CLDN10: variants seen among roughly 807,000 people sequenced by gnomAD.
CLDN10 encodes the protein claudin-10.
A neutral mutation model predicts 22.9 loss-of-function variants in CLDN10; 15 were observed. The observed-to-expected ratio is 0.65, with a 90% confidence interval of 0.44 to 1.01. The LOEUF (loss-of-function observed/expected upper bound fraction) is 1.01, where lower values mean the gene tolerates loss of function less well. CLDN10 is among the 50% of genes least tolerant of loss of function. The probability of loss-of-function intolerance (pLI) is 0.00; values close to 1 mark genes in which losing one functional copy is unlikely to be tolerated. For missense variants in CLDN10, 247 were observed against 287.8 expected, an observed-to-expected ratio of 0.86 and a Z score of 1.03; for synonymous variants, 114 against 111.4, an observed-to-expected ratio of 1.02 and a Z score of -0.15.
At chr13:95,566,128 T>G (rs1371521238) in intron 3 of CLDN10, among the ~76,000 whole-genome samples, 1 of 152,260 alleles carries the variant, frequency 6.6e-6, no homozygotes, top group Non-Finnish European at 1.5e-5. Context: ...TATAATCCTT[T>G]GGGTATATAC....
intron 1 of CLDN10, among the ~76,000 whole-genome samples, chr13:95,459,153 C>T (rs1172567923): frequency 4.6e-5 from 7 of 152,206 alleles, no homozygotes; most frequent in African/African-American, 1.4e-4. Context: ...TGTGGCATTG[C>T]AGGGTACAAC....
intron 1 of CLDN10, among the ~76,000 whole-genome samples, chr13:95,452,469 T>C (rs2042440691): frequency 6.6e-6 from 1 of 152,218 alleles, no homozygotes; most frequent in Non-Finnish European, 1.5e-5. Flanking sequence ...ATTAATGAAT[T>C]TGAGATATGG....
At chr13:95,508,592 G>A (rs183980111) in intron 1 of CLDN10, among the ~76,000 whole-genome samples, 7 of 152,354 alleles carry the variant, frequency 4.6e-5, no homozygotes, top group East Asian at 1.9e-4. Context: ...TAAGGAAGGC[G>A]GACAACCGCC....
intron 1 of CLDN10, among the ~76,000 whole-genome samples, chr13:95,483,785 G>C (rs7995959): frequency 0.53 from 81,117 of 152,024 alleles, 22,199 homozygotes; most frequent in African/African-American, 0.65. Context: ...CTCGATATGA[G>C]CTTCCCCAGG....
At chr13:95,441,312 G>C (rs1264888429) in intron 1 of CLDN10, among the ~76,000 whole-genome samples, 4 of 152,152 alleles carry the variant, frequency 2.6e-5, no homozygotes. Context: ...CTGGGGTGCA[G>C]TGGCGTGATC....
At chr13:95,532,193 G>A (rs2043350491) in intron 1 of CLDN10, among the ~76,000 whole-genome samples, 1 of 152,088 alleles carries the variant, frequency 6.6e-6, no homozygotes. Flanking sequence ...TAAAACTTCT[G>A]CTCATCAAAA....
intron 1 of CLDN10, among the ~76,000 whole-genome samples, chr13:95,514,813 C>T (rs951177748): frequency 6.6e-6 from 1 of 152,128 alleles, no homozygotes; most frequent in Non-Finnish European, 1.5e-5. Context: ...AGTTAAGAGG[C>T]TCACTCTGGT....
chr13:95,522,829 C>T (rs34743079), intron 1 of CLDN10, among the ~76,000 whole-genome samples: 15,154 of 151,892 alleles, frequency 0.1, 933 homozygotes, highest in Middle Eastern at 0.13. Flanking sequence ...TGTGATGATG[C>T]TTTTTGCCCT....
At chr13:95,447,177 GA>G (rs1566648041) in intron 1 of CLDN10, among the ~76,000 whole-genome samples, 1 of 152,170 alleles carries the variant, frequency 6.6e-6, no homozygotes, top group Non-Finnish European at 1.5e-5. Context: ...GTGGGCAGGG[GA>G]AAATGGAAGA....
At chr13:95,546,247 T>C (rs2043508261) in intron 1 of CLDN10, among the ~76,000 whole-genome samples, 1 of 152,186 alleles carries the variant, frequency 6.6e-6, no homozygotes. Context: ...ACACAAAGAG[T>C]TGTCTTGGTG....
At chr13:95,443,171 T>A (rs1325125906) in intron 1 of CLDN10, among the ~76,000 whole-genome samples, 1 of 152,208 alleles carries the variant, frequency 6.6e-6, no homozygotes, top group East Asian at 1.9e-4. Context: ...CAGCATTTGG[T>A]GCTAGCTCCC....
At chr13:95,540,287 G>A (rs1031242991) in intron 1 of CLDN10, among the ~76,000 whole-genome samples, 1 of 145,200 alleles carries the variant, frequency 6.9e-6, no homozygotes, top group Non-Finnish European at 1.5e-5. Flanking sequence ...GCAACAGAGG[G>A]AGACTCTGTC....
chr13:95,478,889 T>A (rs1158527102), intron 1 of CLDN10, among the ~76,000 whole-genome samples: 2 of 152,164 alleles, frequency 1.3e-5, no homozygotes, highest in Non-Finnish European at 2.9e-5. Flanking sequence ...CTCAGGGAGT[T>A]ATAGGTCACT....
intron 1 of CLDN10, among the ~76,000 whole-genome samples, chr13:95,474,792 T>C (rs1300634862): frequency 3.3e-5 from 5 of 151,530 alleles, no homozygotes; most frequent in African/African-American, 1.2e-4. Flanking sequence ...TGGTAAGATC[T>C]GCCTTTTGGG....
upstream of CLDN10, among the ~76,000 whole-genome samples, chr13:95,548,091 C>T (rs2043528546): frequency 6.6e-6 from 1 of 152,210 alleles, no homozygotes; most frequent in African/African-American, 2.4e-5. Context: ...CATAAAATCA[C>T]TTGCCCAAAA....
intron 1 of CLDN10, among the ~76,000 whole-genome samples, chr13:95,490,520 T>G (rs1011522097): frequency 2.0e-5 from 3 of 152,356 alleles, no homozygotes; most frequent in African/African-American, 7.2e-5. Flanking sequence ...ATTTTGTTTT[T>G]GACCCAGTGC....
intron 1 of CLDN10, among the ~76,000 whole-genome samples, chr13:95,468,444 A>G (rs2042599917): frequency 6.6e-6 from 1 of 152,176 alleles, no homozygotes; most frequent in Admixed American, 6.5e-5. Context: ...GCATTAGGCC[A>G]GGCCAGATAT....
intron 1 of CLDN10, among the ~76,000 whole-genome samples, chr13:95,537,706 T>C (rs1419136835): frequency 6.6e-6 from 1 of 152,222 alleles, no homozygotes; most frequent in East Asian, 1.9e-4. Flanking sequence ...GTGCTTATTC[T>C]TGCTTCTGTA....
intron 1 of CLDN10, among the ~76,000 whole-genome samples, chr13:95,461,909 T>A (rs560977550): frequency 6.6e-6 from 1 of 151,666 alleles, no homozygotes; most frequent in Non-Finnish European, 1.5e-5. Flanking sequence ...CTGGGCAACA[T>A]AGCAAGACCC....
Sources: allele counts gnomAD v4.1 joint callset (sites outside exome capture counted in the v4.1 genomes callset), GRCh38; gene constraint gnomAD v4.1.1; transcripts MANE v1.5; gene names NCBI Gene and HGNC (gene_info 2026-07-23, HGNC 2026-07-21).